SH3TC2: variants seen among roughly 807,000 people sequenced by gnomAD.
SH3TC2 encodes SH3 domain and tetratricopeptide repeats 2, also known as SH3 domain and tetratricopeptide repeat-containing protein 2.
Under a neutral mutation model 124.5 loss-of-function variants are expected in SH3TC2, and 87 were observed. The observed-to-expected ratio is 0.70, with a 90% CI of 0.59 to 0.84. SH3TC2 has a LOEUF of 0.84. Among genes scored for constraint, SH3TC2 ranks in the 40% least tolerant of loss-of-function variants. The pLI, the probability that SH3TC2 is intolerant of heterozygous loss-of-function variation, is 0.00. For missense variants in SH3TC2, 1,536 were observed against 1,566.4 expected (o/e 0.98, Z 0.33); for synonymous variants, 634 against 628.5 (o/e 1.01, Z -0.13).
chr5:149,042,133 G>A (rs538412394), intron 5 of SH3TC2, among the ~76,000 whole-genome samples: 3 of 152,216 alleles, frequency 2.0e-5, no homozygotes, highest in East Asian at 1.9e-4. Flanking sequence ...CTCTTTCCAC[G>A]TGTCTGTGAT....
chr5:149,058,494 AT>A (rs1168662236), intron 1 of SH3TC2, among the ~76,000 whole-genome samples: 7 of 151,970 alleles, frequency 4.6e-5, no homozygotes, highest in Non-Finnish European at 7.4e-5. Flanking sequence ...TACTTTTTAT[AT>A]GGAAGTGTCC....
At chr5:149,052,987 C>A (rs1487297517) in intron 1 of SH3TC2, among the ~76,000 whole-genome samples, 1 of 152,216 alleles carries the variant, frequency 6.6e-6, no homozygotes, top group African/African-American at 2.4e-5. Flanking sequence ...AACTCAAGTC[C>A]TTCACACATT....
At position 149,062,963 on chromosome 5, in the gene SH3TC2, A is replaced by G. The variant is rs534021966; in HGVS notation, c.52+8T>C. ...AGCCACAGGCCAAGGGCCCCCTGGG[A>G]AACTCACCTGGGCCCCGGGTCAGAC... On this transcript the variant is annotated splice_region_variant and intron_variant, in intron 1 of 16. Coordinates refer to ENST00000515425, the MANE Select transcript of SH3TC2 (RefSeq NM_024577.4). 1 of 1,585,920 alleles carries G rather than the reference A, an allele frequency of 6.3e-7. No individual in the cohort carries two copies. The highest frequency in any genetic ancestry group is 1.2e-5 in the South Asian group (1 of 86,726).
Position 149,004,606 on chromosome 5 carries a change from C to G in SH3TC2, c.*105G>C. The G allele has an allele frequency of 8.3e-7, 1 of 1,206,190 alleles. No homozygotes were observed. The highest frequency in any genetic ancestry group is 1.2e-6 in the Non-Finnish European group (1 of 862,440). 74.7% of individuals were successfully genotyped at this position (1,206,190 alleles called of 1,614,324 possible). On this transcript the variant is annotated 3_prime_UTR_variant, in exon 17 of 17. Coordinates refer to ENST00000515425, the MANE Select transcript of SH3TC2 (RefSeq NM_024577.4). ...TTCTTCTTCTTGTGAAATGAGGGGG[C>G]TAGGCCAGGTAAGGACTCGGACCCT...
chr5:149,063,004 TGCAGAA>T lies in SH3TC2; in HGVS notation c.13_18del (p.Phe5_Cys6del). On this transcript the variant is annotated inframe_deletion, in exon 1 of 17. Transcript: ENST00000515425. ...CGGGTCAGACTCCGCTCCCTGGGGATGCAGAAGCAGCCACCCATGTGTGTACCATCC... is the reference window on the plus strand; with the variant it reads ...CGGGTCAGACTCCGCTCCCTGGGGATGCAGCCACCCATGTGTGTACCATCC... The T allele has an allele frequency of 6.2e-7, 1 of 1,601,180 alleles. No individual in the cohort carries two copies. The highest frequency in any genetic ancestry group is 8.5e-7 in the Non-Finnish European group (1 of 1,173,540).
intron 13 of SH3TC2, among the ~76,000 whole-genome samples, chr5:149,011,939 C>T (rs1250304712): frequency 6.6e-6 from 1 of 152,098 alleles, no homozygotes; most frequent in Non-Finnish European, 1.5e-5. Context: ...TATGCATTTA[C>T]TACTATGCAA....
At chr5:149,012,143 A>G (rs1263834195) in intron 13 of SH3TC2, among the ~76,000 whole-genome samples, 1 of 152,152 alleles carries the variant, frequency 6.6e-6, no homozygotes, top group African/African-American at 2.4e-5. Context: ...ACTACACTGT[A>G]CCACATCTCT....
rs756360319 is a variant in SH3TC2, at chr5:149,042,653, A to G, written c.529+41T>C. On this transcript the variant is annotated intron_variant, in intron 5 of 16. Transcript: ENST00000515425. ...TATTTCATGGCCTCTGGTAGCAAAT[A>G]TCTGAATAAGATCCCATCTCTACCC... The G allele has an allele frequency of 2.5e-6, 4 of 1,613,060 alleles. No individual in the cohort carries two copies. The South Asian group carries it at 4.4e-5, about 18-fold the overall frequency.
intron 1 of SH3TC2, among the ~76,000 whole-genome samples, chr5:149,055,804 G>T (rs1549908): frequency 0.034 from 5,136 of 152,184 alleles, 341 homozygotes; most frequent in Admixed American, 0.16. Context: ...ACAGCAAACC[G>T]GGCATGGTGG....
Position 149,042,756 on chromosome 5 carries a change from A to C in SH3TC2, c.467T>G (p.Ile156Ser), listed in dbSNP as rs754116367. 5 of 1,614,104 alleles carry C rather than the reference A, an allele frequency of 3.1e-6. No individual in the cohort carries two copies. The East Asian group carries it at 1.1e-4, about 36-fold the overall frequency. The change falls in exon 5 of 17, where the codon ATC becomes AGC. Residue 156 changes from isoleucine to serine, a missense_variant. Physicochemically the swap from Ile to Ser is moderately radical, Grantham distance 142. This residue lies in a region of SH3TC2 where 1,102 missense variants were observed against 1,098.6 expected (regional missense o/e 1.00). Transcript: ENST00000515425. ...LNCILVEDTE[I>S]QVSVDDKHLE... Reference sequence around the variant, plus strand: ...GTGTTTATCATCTACAGACACTTGGATCTCTGTATCCTCCACCAATATGCA... The same window carrying C: ...GTGTTTATCATCTACAGACACTTGGCTCTCTGTATCCTCCACCAATATGCA...
At chr5:149,062,545 C>G (rs551135307) in intron 1 of SH3TC2, 245 of 433,142 alleles carry the variant, frequency 5.7e-4, no homozygotes, top group Non-Finnish European at 8.1e-4. Context: ...CTGTTTTTCT[C>G]CAGTAACAGC....
chr5:149,009,145 C>T, intron 14 of SH3TC2, 144 bp from the exon 15 acceptor site: 2 of 955,706 alleles, frequency 2.1e-6, no homozygotes, highest in South Asian at 2.7e-5. Context: ...TCCCTGTGTG[C>T]CTTTACTCAA....
At position 148,995,614 on chromosome 5, in the gene SH3TC2, T is replaced by G. The variant is rs987251873; in HGVS notation, c.*9097A>C. ...CAATCACTCATGAGCAATAAGTAGTTATATTATAGTTTTAAAACTTTCTCC... is the reference window on the plus strand; with the variant it reads ...CAATCACTCATGAGCAATAAGTAGTGATATTATAGTTTTAAAACTTTCTCC... On this transcript the variant is annotated 3_prime_UTR_variant, in exon 17 of 17. Coordinates refer to ENST00000515425, the MANE Select transcript of SH3TC2 (RefSeq NM_024577.4). Among the ~76,000 whole-genome samples the G allele has an allele frequency of 6.6e-6, 1 of 152,200 alleles. No individual in the cohort carries two copies. The highest frequency in any genetic ancestry group is 1.5e-5 in the Non-Finnish European group (1 of 68,042).
intron 2 of SH3TC2, among the ~76,000 whole-genome samples, chr5:149,051,792 A>G (rs991690844): frequency 3.9e-5 from 6 of 152,152 alleles, no homozygotes; most frequent in Non-Finnish European, 7.3e-5. Flanking sequence ...AGCAGCAACA[A>G]CGTATGAACA....
At chr5:149,009,624 A>C (rs1243578544) in intron 14 of SH3TC2, among the ~76,000 whole-genome samples, 1 of 152,202 alleles carries the variant, frequency 6.6e-6, no homozygotes. Flanking sequence ...TGAATGAATA[A>C]AATTTTACGA....
chr5:149,024,035 C>T (rs1263123704), intron 12 of SH3TC2, among the ~76,000 whole-genome samples: 3 of 152,094 alleles, frequency 2.0e-5, no homozygotes, highest in African/African-American at 7.2e-5. Flanking sequence ...CCAGTGTTCT[C>T]AAAGGGCTGT....
rs2217638 is a variant in SH3TC2 at position 148,984,792 on chromosome 5, A to G, written c.*19919T>C. ...ATCTGACCTAAGAGAACTTATACTC[A>G]GAAGGAGGCATCTGCTTCCTGCTTC... On this transcript the variant is annotated 3_prime_UTR_variant, in exon 17 of 17. Coordinates refer to ENST00000515425, the MANE Select transcript of SH3TC2 (RefSeq NM_024577.4). Among the ~76,000 whole-genome samples, 117,845 of 152,088 alleles carry G rather than the reference A, an allele frequency of 0.77. 46,103 individuals carry two copies. The highest frequency in any genetic ancestry group is 0.97 in the East Asian group (5,048 of 5,186).
chr5:149,020,614 G>A (rs941237856), intron 12 of SH3TC2, among the ~76,000 whole-genome samples: 22 of 152,106 alleles, frequency 1.4e-4, no homozygotes, highest in African/African-American at 4.8e-4. Context: ...GACACAAATA[G>A]ACTAAAAGTA....
At chr5:149,025,719 G>A (rs535947248) in intron 12 of SH3TC2, 1 of 152,308 alleles carries the variant, frequency 6.6e-6, no homozygotes, top group African/African-American at 2.4e-5. Flanking sequence ...ACAGAAGATG[G>A]CAAAATCTTC....
Sources: allele counts gnomAD v4.1 joint callset (sites outside exome capture counted in the v4.1 genomes callset), GRCh38; gene constraint gnomAD v4.1.1; regional missense constraint gnomAD v4.1.1; transcripts MANE v1.5; gene names NCBI Gene and HGNC (gene_info 2026-07-23, HGNC 2026-07-21).